EXOC6B: variants seen among roughly 807,000 people sequenced by gnomAD.
EXOC6B encodes the protein SEC15 homolog B.
Under a neutral mutation model 113.5 loss-of-function variants are expected in EXOC6B, and 54 were observed. The observed-to-expected ratio is 0.48, with a 90% CI of 0.38 to 0.60. The LOEUF is 0.60. EXOC6B is among the 20% of genes least tolerant of loss of function. The pLI is 0.00. For synonymous variants in EXOC6B, 357 were observed against 339.0 expected, an observed-to-expected ratio of 1.05 and a Z score of -0.58; for missense variants, 797 against 977.5, an observed-to-expected ratio of 0.82 and a Z score of 2.46.
chr2:72,651,424 C>G (rs1427584818), intron 6 of EXOC6B, among the ~76,000 whole-genome samples: 2 of 152,130 alleles, frequency 1.3e-5, no homozygotes, highest in African/African-American at 4.8e-5. Context: ...TTGAGTTGAC[C>G]TTTGAAAAGA....
chr2:72,297,275 G>A (rs1686196316), intron 20 of EXOC6B, among the ~76,000 whole-genome samples: 1 of 152,148 alleles, frequency 6.6e-6, no homozygotes, highest in Admixed American at 6.5e-5. Flanking sequence ...ACAGGAGTTT[G>A]CAGTATGGAT....
intron 20 of EXOC6B, among the ~76,000 whole-genome samples, chr2:72,191,026 T>C (rs901064164): frequency 1.3e-5 from 2 of 152,236 alleles, no homozygotes; most frequent in African/African-American, 4.8e-5. Flanking sequence ...CTGTTTGTGG[T>C]ATTTAATAGA....
chr2:72,607,301 A>G (rs1670811333), intron 6 of EXOC6B, among the ~76,000 whole-genome samples: 2 of 152,112 alleles, frequency 1.3e-5, no homozygotes, highest in East Asian at 1.9e-4. Flanking sequence ...TCTTCTCTCT[A>G]TCTCGTGCAC....
intron 6 of EXOC6B, among the ~76,000 whole-genome samples, chr2:72,688,263 A>C (rs1426615868): frequency 6.6e-6 from 1 of 152,208 alleles, no homozygotes; most frequent in African/African-American, 2.4e-5. Context: ...GGAGAATCTG[A>C]AACAAGGATT....
chr2:72,424,006 AG>A (rs1348221169), intron 18 of EXOC6B, among the ~76,000 whole-genome samples: 1 of 152,232 alleles, frequency 6.6e-6, no homozygotes, highest in Admixed American at 6.5e-5. Flanking sequence ...ACATTTTCTA[AG>A]ATGATTCTCA....
intron 6 of EXOC6B, among the ~76,000 whole-genome samples, chr2:72,615,417 T>C (rs1558846753): frequency 6.6e-6 from 1 of 152,066 alleles, no homozygotes; most frequent in Non-Finnish European, 1.5e-5. Flanking sequence ...AGAGTTCAAC[T>C]GAGCAAAGAA....
intron 6 of EXOC6B, among the ~76,000 whole-genome samples, chr2:72,691,376 T>C (rs1444229208): frequency 6.6e-6 from 1 of 152,120 alleles, no homozygotes; most frequent in Non-Finnish European, 1.5e-5. Flanking sequence ...TAGTTTGTAG[T>C]ACTTTGTTAC....
intron 6 of EXOC6B, among the ~76,000 whole-genome samples, chr2:72,587,796 T>C (rs1052765788): frequency 3.3e-5 from 5 of 151,786 alleles, no homozygotes; most frequent in Admixed American, 3.3e-4. Flanking sequence ...TTAATACCCA[T>C]AGTATATGAA....
At chr2:72,762,105 G>A (rs1369343143) in intron 1 of EXOC6B, among the ~76,000 whole-genome samples, 3 of 151,936 alleles carry the variant, frequency 2.0e-5, no homozygotes, top group Non-Finnish European at 4.4e-5. Context: ...TTAGCTGGGC[G>A]TGGTGGCATG....
Position 72,515,081 on chromosome 2 carries a change from T to C in EXOC6B, c.961A>G (p.Lys321Glu), listed in dbSNP as rs1701147042. ...FENYYRKQRR[K>E]QARLVLQPPS... ...GGTTGAAGTACCAAACGAGCCTGTTTTCGCCTCTGTTTTCGGTAGTAATTC... is the reference window on the plus strand; with the variant it reads ...GGTTGAAGTACCAAACGAGCCTGTTCTCGCCTCTGTTTTCGGTAGTAATTC... Residue 321 changes from lysine (K) to glutamate (E), a missense_variant, in exon 9 of 22, where the codon AAA becomes GAA. Lys to Glu is a moderately conservative substitution (Grantham distance 56, BLOSUM62 1). Coordinates refer to ENST00000272427, the MANE Select transcript of EXOC6B (RefSeq NM_015189.3). 6.2e-7 allele frequency: 1 copy of C among 1,608,070 alleles called. No homozygotes were observed. The highest frequency in any genetic ancestry group is 1.3e-5 in the African/African-American group (1 of 74,842).
intron 1 of EXOC6B, among the ~76,000 whole-genome samples, chr2:72,802,302 G>A (rs1480943794): frequency 6.7e-6 from 1 of 150,184 alleles, no homozygotes; most frequent in Non-Finnish European, 1.5e-5. Context: ...TCTAGCCTGG[G>A]CAACAGGGCA....
In EXOC6B at chr2:72,546,866, T is replaced by C. The variant is rs180680733; in HGVS notation, c.915+12587A>G. On this transcript the variant is annotated intron_variant, in intron 8 of 21. Coordinates refer to ENST00000272427, the MANE Select transcript of EXOC6B (RefSeq NM_015189.3). ...AAAAGACAAGGTGGTAGAGAGTTCTTATGAGGCTTATACAAGGAGATACTC... is the reference window on the plus strand; with the variant it reads ...AAAAGACAAGGTGGTAGAGAGTTCTCATGAGGCTTATACAAGGAGATACTC... Among the ~76,000 whole-genome samples the C allele has an allele frequency of 2.0e-5, 3 of 152,364 alleles. No individual in the cohort carries two copies. The East Asian group carries it at 5.8e-4, about 29-fold the overall frequency.
chr2:72,202,848 T>C (rs936054865), intron 20 of EXOC6B, among the ~76,000 whole-genome samples: 2 of 152,174 alleles, frequency 1.3e-5, no homozygotes, highest in African/African-American at 2.4e-5. Flanking sequence ...GTCCCCTTTA[T>C]GGATTTCACA....
chr2:72,232,908 C>G (rs1445942356), intron 20 of EXOC6B, among the ~76,000 whole-genome samples: 1 of 151,794 alleles, frequency 6.6e-6, no homozygotes, highest in Non-Finnish European at 1.5e-5. Flanking sequence ...TCCGTCTCTA[C>G]TATAAACACA....
intron 1 of EXOC6B, among the ~76,000 whole-genome samples, chr2:72,805,535 G>A (rs1685532438): frequency 6.6e-6 from 1 of 152,106 alleles, no homozygotes; most frequent in Admixed American, 6.6e-5. Context: ...TTATATAAAT[G>A]TATGCTATAC....
chr2:72,768,478 C>A (rs1683230478), intron 1 of EXOC6B, among the ~76,000 whole-genome samples: 1 of 151,618 alleles, frequency 6.6e-6, no homozygotes, highest in African/African-American at 2.4e-5. Flanking sequence ...TTCTTTCTCC[C>A]CGGCTAATTT....
chr2:72,258,002 T>C (rs1683457007), intron 20 of EXOC6B, among the ~76,000 whole-genome samples: 1 of 152,194 alleles, frequency 6.6e-6, no homozygotes, highest in South Asian at 2.1e-4. Context: ...CATCCTGAAA[T>C]TTTTAGAAGG....
chr2:72,335,002 G>A lies in EXOC6B; in HGVS notation c.2141C>T (p.Pro714Leu), dbSNP rs775955093. 10 of 1,613,296 alleles carry A rather than the reference G, an allele frequency of 6.2e-6. No individual in the cohort carries two copies. Among genetic ancestry groups the A allele is most frequent in the Non-Finnish European group, 8.5e-6 (10 of 1,179,448 alleles). The change falls in exon 20 of 22, where the codon CCG becomes CTG. Residue 714 changes from proline to leucine, a missense_variant. Pro to Leu is a moderately conservative substitution (Grantham distance 98). Transcript: ENST00000272427. ...CGTGTCCTCCTGGAACCCAGGCACC[G>A]GGCCGGATCTGGCAAACTCTGTGGG... Reference protein sequence around the residue: ...RECEQFARSGPVPGFQEDTLQ... With the variant: ...RECEQFARSGLVPGFQEDTLQ...
intron 20 of EXOC6B, among the ~76,000 whole-genome samples, chr2:72,257,639 A>T (rs1683432966): frequency 6.6e-6 from 1 of 152,206 alleles, no homozygotes; most frequent in Non-Finnish European, 1.5e-5. Flanking sequence ...GAATATCCTT[A>T]TGGAGACAGG....
Sources: allele counts gnomAD v4.1 joint callset (sites outside exome capture counted in the v4.1 genomes callset), GRCh38; gene constraint gnomAD v4.1.1; transcripts MANE v1.5; gene names NCBI Gene and HGNC (gene_info 2026-07-23, HGNC 2026-07-21).